DOCK8: variants seen among roughly 807,000 people sequenced by gnomAD.
DOCK8 encodes dedicator of cytokinesis protein 8.
Under a neutral mutation model 245.6 loss-of-function variants are expected in DOCK8, and 141 were observed. That is an observed-to-expected ratio of 0.57 (90% CI 0.50 to 0.66). The LOEUF (loss-of-function observed/expected upper bound fraction) is 0.66. DOCK8 is among the 30% of genes least tolerant of loss of function. The pLI, the probability that DOCK8 is intolerant of heterozygous loss-of-function variation, is 0.00. For synonymous variants in DOCK8, 1,168 were observed against 970.2 expected, an observed-to-expected ratio of 1.20 and a Z score of -3.79; for missense variants, 2,965 against 2,603.4, an observed-to-expected ratio of 1.14 and a Z score of -3.02.
intron 1 of DOCK8, among the ~76,000 whole-genome samples, chr9:240,369 C>G (rs1222924413): frequency 6.6e-6 from 1 of 151,394 alleles, no homozygotes; most frequent in African/African-American, 2.4e-5. Flanking sequence ...CTTAAGTTCC[C>G]TGTGGCCACA....
chr9:448,855 A>G (rs925812958), intron 44 of DOCK8, among the ~76,000 whole-genome samples: 3 of 152,224 alleles, frequency 2.0e-5, no homozygotes, highest in African/African-American at 4.8e-5. Context: ...GGGGAACACA[A>G]TTCAACCTAT....
At chr9:393,449 G>A (rs2054297237) in intron 24 of DOCK8, among the ~76,000 whole-genome samples, 1 of 152,178 alleles carries the variant, frequency 6.6e-6, no homozygotes, top group Non-Finnish European at 1.5e-5. Context: ...ATGCAATCTT[G>A]AGGCAGGAGG....
rs531980004 is a variant in DOCK8 at position 433,746 on chromosome 9, G to A, written c.4786-129G>A. On this transcript the variant is annotated intron_variant, in intron 37 of 47. Transcript: ENST00000432829. The stretch of plus-strand genomic sequence containing the variant: ...TACAGAGTCAGGTCTAGATGACTCC[G>A]CCATCCCTAGTCTCTGCTGCCCTCT... 3.5e-4 allele frequency: 269 copies of A among 764,398 alleles called. 1 individual carries two copies. The highest frequency in any genetic ancestry group is 2.7e-3 in the Middle Eastern group (12 of 4,442). 47.4% of individuals were successfully genotyped at this position (764,398 alleles called of 1,614,324 possible). A position where few individuals can be genotyped will look rare whatever the true frequency, so the allele number is the denominator to read the frequency against.
intron 2 of DOCK8, 109 bp from the exon 3 acceptor site, chr9:286,352 G>A (rs926798163): frequency 7.1e-6 from 9 of 1,271,584 alleles, no homozygotes; most frequent in Middle Eastern, 2.7e-4. Flanking sequence ...TGCCAGGAGC[G>A]AAGTACTTAC....
intron 46 of DOCK8, among the ~76,000 whole-genome samples, chr9:453,959 A>G (rs2057545298): frequency 1.3e-5 from 2 of 152,364 alleles, no homozygotes; most frequent in Admixed American, 1.3e-4. Context: ...TTATGGGACT[A>G]CAGAGATCTG....
chr9:427,559 TC>T (rs1197768200), intron 34 of DOCK8, among the ~76,000 whole-genome samples: 1 of 152,218 alleles, frequency 6.6e-6, no homozygotes, highest in Non-Finnish European at 1.5e-5. Flanking sequence ...TTCCACAAAT[TC>T]CCAAGCTGTC....
intron 14 of DOCK8, 99 bp downstream of exon 14, chr9:340,420 A>G: frequency 6.7e-7 from 1 of 1,498,206 alleles, no homozygotes; most frequent in East Asian, 2.3e-5. Context: ...CAGGAGTTTG[A>G]GACCAGCCTT....
rs561610977 is a variant in DOCK8, at chr9:236,114, G to A, written c.53+21085G>A. 5.3e-5 allele frequency among the ~76,000 whole-genome samples: 8 copies of A among 152,230 alleles called. No homozygotes were observed. In the East Asian group the frequency reaches 1.5e-3, roughly 29 times the overall value. ...TTGGCCCTGCAGGCTTGGTGTCATG[G>A]CCCCCAAGGTACCACTGGAGACTCT... On this transcript the variant is annotated intron_variant, in intron 1 of 47. Coordinates refer to ENST00000432829, the MANE Select transcript of DOCK8 (RefSeq NM_203447.4).
At chr9:398,987 G>C (rs2054599519) in intron 25 of DOCK8, among the ~76,000 whole-genome samples, 159 bp from the exon 26 acceptor site, 1 of 152,170 alleles carries the variant, frequency 6.6e-6, no homozygotes, top group Non-Finnish European at 1.5e-5. Flanking sequence ...CACAGTCATG[G>C]CTTTAGTTAA....
At chr9:340,489 T>G (rs1346318820) in intron 14 of DOCK8, 168 bp downstream of exon 14, 2 of 803,538 alleles carry the variant, frequency 2.5e-6, no homozygotes, top group Non-Finnish European at 2.0e-6. Flanking sequence ...GGCATGGTGG[T>G]GCATGCTTGT....
chr9:362,353 G>A (rs1026382757), intron 14 of DOCK8, among the ~76,000 whole-genome samples: 3 of 152,170 alleles, frequency 2.0e-5, no homozygotes, highest in Admixed American at 2.0e-4. Flanking sequence ...TTGCCAATCT[G>A]TTAAAATAAT....
At chr9:428,240 A>T (rs1455635034) in intron 34 of DOCK8, 122 bp from the exon 35 acceptor site, 1 of 1,509,632 alleles carries the variant, frequency 6.6e-7, no homozygotes, top group East Asian at 2.3e-5. Context: ...ATGGTGGCTC[A>T]CCAAACTCTT....
intron 1 of DOCK8, among the ~76,000 whole-genome samples, chr9:244,197 A>G (rs2047448606): frequency 6.6e-6 from 1 of 151,362 alleles, no homozygotes; most frequent in Admixed American, 6.6e-5. Flanking sequence ...GAAAAAAAAA[A>G]AAAAAAAAAA....
In DOCK8 at chr9:370,316, C is replaced by T. The variant is rs1318009793; in HGVS notation, c.1868+16C>T. 3 of 1,609,712 alleles carry T rather than the reference C, an allele frequency of 1.9e-6. No homozygotes were observed. The highest frequency in any genetic ancestry group is 1.3e-5 in the African/African-American group (1 of 74,812). ...ACCATAATAAGTAAGTCTATTTCAG[C>T]ATTCTAAATATATGCCAAGATGGTT... On this transcript the variant is annotated intron_variant, in intron 16 of 47. Transcript: ENST00000432829.
intron 37 of DOCK8, among the ~76,000 whole-genome samples, 162 bp downstream of exon 37, chr9:432,486 A>G (rs2056754800): frequency 6.6e-6 from 1 of 152,158 alleles, no homozygotes; most frequent in Non-Finnish European, 1.5e-5. Flanking sequence ...GAGAGGTTTT[A>G]AAAAGAAATA....
Position 405,176 on chromosome 9 carries a change from A to G in DOCK8, c.3390+103A>G, listed in dbSNP as rs2055355702. The G allele has an allele frequency of 6.5e-6, 8 of 1,238,116 alleles. No individual in the cohort carries two copies. The South Asian group carries it at 9.2e-5, about 14-fold the overall frequency. 76.7% of individuals were successfully genotyped at this position (1,238,116 alleles called of 1,614,324 possible). ...TATAAAGGTTAGTCTTATTAATTTG[A>G]CAAAAAATCAAACAATTCAAACCAG... On this transcript the variant is annotated intron_variant, in intron 27 of 47. Coordinates refer to ENST00000432829, the MANE Select transcript of DOCK8 (RefSeq NM_203447.4).
At chr9:280,328 C>G (rs867676196) in intron 2 of DOCK8, among the ~76,000 whole-genome samples, 2 of 152,204 alleles carry the variant, frequency 1.3e-5, no homozygotes, top group South Asian at 4.2e-4. Context: ...GTTTCTTTAG[C>G]CTAGTGTCTG....
chr9:414,123 C>A (rs1385357161), intron 28 of DOCK8, among the ~76,000 whole-genome samples: 2 of 139,172 alleles, frequency 1.4e-5, no homozygotes, highest in South Asian at 2.4e-4. Context: ...GCCTGAACAA[C>A]TCCATGTCAA....
chr9:392,823 T>C lies in DOCK8; in HGVS notation c.2970+2257T>C, dbSNP rs561917326. Among the ~76,000 whole-genome samples, 466 of 152,062 alleles carry C rather than the reference T, an allele frequency of 3.1e-3. 2 individuals carry two copies. The highest frequency in any genetic ancestry group is 7.3e-3 in the Admixed American group (112 of 15,268). Reference sequence around the variant, plus strand: ...CTTGTTTCTTGAGGCATGAGAAGTATCAAAACCGTCACCCCATGCCCTTTA... The same window carrying C: ...CTTGTTTCTTGAGGCATGAGAAGTACCAAAACCGTCACCCCATGCCCTTTA... On this transcript the variant is annotated intron_variant, in intron 24 of 47. Transcript: ENST00000432829.
Sources: allele counts gnomAD v4.1 joint callset (sites outside exome capture counted in the v4.1 genomes callset), GRCh38; gene constraint gnomAD v4.1.1; transcripts MANE v1.5; gene names NCBI Gene and HGNC (gene_info 2026-07-23, HGNC 2026-07-21).